Variants in TANC2 observed in about 807,000 individuals in gnomAD.
TANC2 encodes the protein tetratricopeptide repeat, ankyrin repeat and coiled-coil containing 2.
Under a neutral mutation model 210.5 loss-of-function variants are expected in TANC2, and 26 were observed. The ratio of observed to expected loss-of-function variants is 0.12; its 90% confidence interval spans 0.09 to 0.17. The LOEUF (loss-of-function observed/expected upper bound fraction) is 0.17, where lower values mean the gene tolerates loss of function less well. Among genes scored for constraint, TANC2 ranks in the 10% least tolerant of loss-of-function variants. TANC2 has a pLI of 1.00. For synonymous variants in TANC2, 931 were observed against 967.1 expected (o/e 0.96, Z 0.69); for missense variants, 2,129 against 2,608.9 (o/e 0.82, Z 4.01).
intron 3 of TANC2, among the ~76,000 whole-genome samples, chr17:63,089,397 A>G (rs929001202): frequency 9.9e-5 from 15 of 152,214 alleles, no homozygotes; most frequent in African/African-American, 3.6e-4. Context: ...ATAAAAGAAG[A>G]AAGTCATATC....
At chr17:63,282,638 C>T (rs1350185035) in intron 9 of TANC2, among the ~76,000 whole-genome samples, 1 of 152,058 alleles carries the variant, frequency 6.6e-6, no homozygotes. Flanking sequence ...GTATCATTTT[C>T]GTTCTCACTA....
At chr17:63,128,148 CTCAATA>C (rs1341204492) in intron 4 of TANC2, among the ~76,000 whole-genome samples, 2 of 152,022 alleles carry the variant, frequency 1.3e-5, no homozygotes, top group South Asian at 2.1e-4. Flanking sequence ...TTTGGAAAAA[CTCAATA>C]TCAATAAAAG....
intron 19 of TANC2, among the ~76,000 whole-genome samples, chr17:63,400,126 T>C (rs2048297513): frequency 6.6e-6 from 1 of 152,218 alleles, no homozygotes. Context: ...GACATGTTGG[T>C]GTGTTTCTAT....
chr17:63,425,813 C>G (rs566363376), exon 28 of TANC2: 2 of 152,190 alleles, frequency 1.3e-5, no homozygotes, highest in Admixed American at 1.3e-4. Flanking sequence ...ACCAGAGCTC[C>G]CTTGCTCTGG....
chr17:63,031,901 G>A (rs2034785607), intron 2 of TANC2, among the ~76,000 whole-genome samples: 1 of 152,122 alleles, frequency 6.6e-6, no homozygotes, highest in Admixed American at 6.6e-5. Context: ...ACAATTCTTG[G>A]AGGAGGTGGT....
intron 19 of TANC2, among the ~76,000 whole-genome samples, chr17:63,404,662 T>A (rs2048444606): frequency 6.6e-6 from 1 of 152,144 alleles, no homozygotes; most frequent in Non-Finnish European, 1.5e-5. Flanking sequence ...TTCTCTAGGC[T>A]TAAGAGCCCA....
At chr17:63,398,455 C>CAA (rs75216626) in intron 18 of TANC2, among the ~76,000 whole-genome samples, 6 of 107,466 alleles carry the variant, frequency 5.6e-5, no homozygotes, top group African/African-American at 1.7e-4. Context: ...GACCCTGTCT[C>CAA]AAAAAAAAAA....
intron 25 of TANC2, among the ~76,000 whole-genome samples, chr17:63,415,084 G>A (rs1428195281): frequency 6.6e-6 from 1 of 152,244 alleles, no homozygotes; most frequent in Non-Finnish European, 1.5e-5. Flanking sequence ...CTTCTAGAGG[G>A]CTGGCCAGGT....
At chr17:63,304,681 G>A (rs1360552431) in intron 9 of TANC2, among the ~76,000 whole-genome samples, 2 of 152,294 alleles carry the variant, frequency 1.3e-5, no homozygotes, top group Non-Finnish European at 1.5e-5. Flanking sequence ...GAACTATGCA[G>A]GAGCAAAGAC....
At chr17:63,002,875 C>T (rs868061285) in intron 1 of TANC2, among the ~76,000 whole-genome samples, 4 of 152,016 alleles carry the variant, frequency 2.6e-5, no homozygotes, top group African/African-American at 9.7e-5. Context: ...ATAGTTTATT[C>T]GTCTGTTGAT....
intron 4 of TANC2, among the ~76,000 whole-genome samples, chr17:63,133,971 A>G (rs1335984767): frequency 6.6e-6 from 1 of 151,308 alleles, no homozygotes; most frequent in Non-Finnish European, 1.5e-5. Context: ...AAAATATTCA[A>G]AAAGGAACTG....
At position 63,015,313 on chromosome 17, in the gene TANC2, ATATT is replaced by A. The variant is rs567014330; in HGVS notation, c.67+5701_67+5704del. The stretch of plus-strand genomic sequence containing the variant: ...TTTATATCAAATTTATTAAAATAAG[ATATT>A]TATTTATTTATTTTTTATTCTTTAA... On this transcript the variant is annotated intron_variant, in intron 2 of 27. Transcript: ENST00000689528. 7.7e-4 allele frequency among the ~76,000 whole-genome samples: 117 copies of A among 151,996 alleles called. 1 individual carries two copies. The highest frequency in any genetic ancestry group is 1.9e-3 in the African/African-American group (80 of 41,480).
chr17:63,198,232 G>A (rs1272118081), intron 6 of TANC2, among the ~76,000 whole-genome samples: 1 of 150,526 alleles, frequency 6.6e-6, no homozygotes, highest in Non-Finnish European at 1.5e-5. Flanking sequence ...GTCTCACTCT[G>A]TTGCCCAGGC....
chr17:63,224,207 T>C (rs1431882814), intron 7 of TANC2, among the ~76,000 whole-genome samples: 1 of 151,852 alleles, frequency 6.6e-6, no homozygotes, highest in African/African-American at 2.4e-5. Flanking sequence ...TCACCACTGA[T>C]GCTTTTAGTC....
intron 2 of TANC2, among the ~76,000 whole-genome samples, chr17:63,034,631 T>A (rs910979188): frequency 6.6e-6 from 1 of 152,182 alleles, no homozygotes; most frequent in African/African-American, 2.4e-5. Flanking sequence ...AGAACATTTA[T>A]GATTCATGGG....
At chr17:63,088,445 A>G (rs2037057151) in intron 3 of TANC2, 1 of 152,164 alleles carries the variant, frequency 6.6e-6, no homozygotes. Context: ...ATGTTCAGTA[A>G]TATTAAAGTT....
chr17:63,368,244 A>G (rs1016849182), intron 14 of TANC2, among the ~76,000 whole-genome samples: 1 of 152,240 alleles, frequency 6.6e-6, no homozygotes, highest in Non-Finnish European at 1.5e-5. Context: ...GAGGGGCTCT[A>G]ACATGAGCAA....
intron 7 of TANC2, among the ~76,000 whole-genome samples, chr17:63,224,392 C>T (rs1236788363): frequency 6.6e-6 from 1 of 151,920 alleles, no homozygotes; most frequent in Non-Finnish European, 1.5e-5. Flanking sequence ...GCTGGAATTA[C>T]AGGGGCGCAC....
At chr17:63,314,440 T>G in exon 10 of TANC2, 1 of 1,613,948 alleles carries the variant, frequency 6.2e-7, no homozygotes, top group South Asian at 1.1e-5. Context: ...CTCTGCTCTT[T>G]GAAGTGCCCA....
Sources: allele counts gnomAD v4.1 joint callset (sites outside exome capture counted in the v4.1 genomes callset), GRCh38; gene constraint gnomAD v4.1.1; transcripts MANE v1.5; gene names NCBI Gene and HGNC (gene_info 2026-07-23, HGNC 2026-07-21).